ANGPTL1: variants seen among roughly 807,000 people sequenced by gnomAD.
ANGPTL1 encodes the protein angiopoietin-related protein 1.
ANGPTL1 carries 36 observed loss-of-function variants against 46.7 expected under a neutral mutation model. The ratio of observed to expected loss-of-function variants is 0.77; its 90% CI spans 0.59 to 1.02. The LOEUF (loss-of-function observed/expected upper bound fraction) is 1.02, where lower values mean the gene tolerates loss of function less well. Ranked by LOEUF, ANGPTL1 falls within the 50% of genes least tolerant of loss-of-function variation. The pLI, the probability that ANGPTL1 is intolerant of heterozygous loss-of-function variation, is 0.00. For synonymous variants in ANGPTL1, 221 were observed against 204.3 expected, an observed-to-expected ratio of 1.08 and a Z score of -0.69; for missense variants, 571 against 594.7, an observed-to-expected ratio of 0.96 and a Z score of 0.41.
intron 3 of ANGPTL1, among the ~76,000 whole-genome samples, chr1:178,855,072 A>G (rs1657437782): frequency 6.6e-6 from 1 of 152,166 alleles, no homozygotes. Flanking sequence ...GTGAGAGTTT[A>G]GTCAAGTAAA....
At chr1:178,859,250 G>A (rs1485860541) in intron 3 of ANGPTL1, among the ~76,000 whole-genome samples, 1 of 151,894 alleles carries the variant, frequency 6.6e-6, no homozygotes, top group South Asian at 2.1e-4. Flanking sequence ...TTAAATGTTA[G>A]TATAAGTATT....
intron 2 of ANGPTL1, among the ~76,000 whole-genome samples, chr1:178,867,993 T>A (rs1429652237): frequency 1.3e-5 from 2 of 151,962 alleles, no homozygotes; most frequent in Non-Finnish European, 2.9e-5. Context: ...TATGGAGAAT[T>A]ATTATTATTT....
intron 3 of ANGPTL1, 72 bp downstream of exon 3, chr1:178,864,882 A>G (rs1013294830): frequency 5.4e-5 from 56 of 1,040,062 alleles, no homozygotes; most frequent in Non-Finnish European, 6.7e-5. Context: ...AGCATTTATT[A>G]TGAGCATTGT....
chr1:178,852,635 G>A lies in ANGPTL1; in HGVS notation c.1288+48C>T, dbSNP rs760452268. The stretch of plus-strand genomic sequence containing the variant: ...TATATATTAGTAGATTCTATTTAAT[G>A]CATAGAAGGTGATGATTCTACAAAG... On this transcript the variant is annotated intron_variant, in intron 5 of 5. Transcript: ENST00000234816. 1.9e-6 allele frequency: 3 copies of A among 1,539,748 alleles called. No individual in the cohort carries two copies. The Admixed American group carries it at 5.6e-5, about 29-fold the overall frequency.
At chr1:178,862,594 T>TTTAA (rs1200900199) in intron 3 of ANGPTL1, among the ~76,000 whole-genome samples, 1 of 29,002 alleles carries the variant, frequency 3.4e-5, no homozygotes, top group South Asian at 9.8e-4. Flanking sequence ...TTGCATTTTT[T>TTTAA]TTATTTATTT....
chr1:178,864,937 A>T lies in ANGPTL1; in HGVS notation c.823+17T>A, dbSNP rs1048784505. On this transcript the variant is annotated intron_variant, in intron 3 of 5. Coordinates refer to ENST00000234816, the MANE Select transcript of ANGPTL1 (RefSeq NM_004673.4). ...TAAACCTCATACTCCCACTTTTTAC[A>T]GTAAGAGGTAACTCACCTTCATTGA... is the stretch of plus-strand genomic sequence containing the variant. The T allele has an allele frequency of 7.1e-7, 1 of 1,413,118 alleles. No homozygotes were observed. Among genetic ancestry groups the T allele is most frequent in the Non-Finnish European group, 9.3e-7 (1 of 1,079,698 alleles). The allele number at this position is 1,413,118 out of a possible 1,614,324, so 87.5% of individuals were successfully genotyped here.
At chr1:178,856,740 G>A (rs74784251) in intron 3 of ANGPTL1, among the ~76,000 whole-genome samples, 1 of 151,882 alleles carries the variant, frequency 6.6e-6, no homozygotes, top group African/African-American at 2.4e-5. Context: ...ATTTAATAAA[G>A]TAGCTTATTT....
At chr1:178,851,702 A>G (rs1305631834) in intron 5 of ANGPTL1, among the ~76,000 whole-genome samples, 2 of 152,204 alleles carry the variant, frequency 1.3e-5, no homozygotes, top group African/African-American at 2.4e-5. Flanking sequence ...GCAAAAAATA[A>G]TACAAAGTAA....
Position 178,850,476 on chromosome 1 carries a change from C to G in ANGPTL1, c.*653G>C, listed in dbSNP as rs1657098583. 6.6e-6 allele frequency: 1 copy of G among 151,556 alleles called. No homozygotes were observed. The highest frequency in any genetic ancestry group is 6.6e-5 in the Admixed American group (1 of 15,240). The allele number at this position is 151,556 out of a possible 1,614,324, so 9.4% of individuals were successfully genotyped here. A position where few individuals can be genotyped will look rare whatever the true frequency, so the allele number is the denominator to read the frequency against. ...CATAGATTTGTCTTTATAAATTGAC[C>G]ATTTAAATTATGCATGCATTATTTT... is the stretch of plus-strand genomic sequence containing the variant. On this transcript the variant is annotated 3_prime_UTR_variant, in exon 6 of 6. Coordinates refer to ENST00000234816, the MANE Select transcript of ANGPTL1 (RefSeq NM_004673.4).
chr1:178,862,020 G>A (rs1051711784), intron 3 of ANGPTL1, among the ~76,000 whole-genome samples: 3 of 151,860 alleles, frequency 2.0e-5, no homozygotes, highest in Non-Finnish European at 4.4e-5. Context: ...TTACAGGCAC[G>A]CACCACCATG....
Position 178,852,854 on chromosome 1 carries a change from C to T in ANGPTL1, c.1117G>A (p.Asp373Asn). ...GCATAGACTTTTTTATCACTCCAGT[C>T]TTCTAATTCAATCAATAACTTGTAA... Reference protein sequence around the residue: ...DNYKLLIELEDWSDKKVYAEY... With the variant: ...DNYKLLIELENWSDKKVYAEY... Residue 373 changes from aspartate (D) to asparagine (N), a missense_variant, in exon 5 of 6, where the codon GAC (aspartate) becomes AAC (asparagine). Physicochemically the swap from Asp to Asn is conservative, Grantham distance 23. Coordinates refer to ENST00000234816, the MANE Select transcript of ANGPTL1 (RefSeq NM_004673.4). 6.2e-7 allele frequency: 1 copy of T among 1,613,908 alleles called. No homozygotes were observed. The highest frequency in any genetic ancestry group is 8.5e-7 in the Non-Finnish European group (1 of 1,179,868).
intron 3 of ANGPTL1, among the ~76,000 whole-genome samples, chr1:178,862,773 G>A (rs980048111): frequency 1.3e-5 from 2 of 152,112 alleles, no homozygotes; most frequent in African/African-American, 2.4e-5. Context: ...GGTCCGCTAG[G>A]AAAGTAGGCT....
chr1:178,851,183 T>C lies in ANGPTL1; in HGVS notation c.1422A>G (p.Arg474=). ...CTGCTCTTAAGGAGTATGACCCGCC[T>C]CTGTATTCGGCCCAGAAAATTCCAT... ...HQDGIFWAEY[R]GGSYSLRAVQ... is the part of the protein sequence containing the mutation. Residue 474 remains arginine (R), a synonymous_variant, in exon 6 of 6, where the codon AGA becomes AGG. Coordinates refer to ENST00000234816, the MANE Select transcript of ANGPTL1 (RefSeq NM_004673.4). 3 of 1,614,012 alleles carry C rather than the reference T, an allele frequency of 1.9e-6. No homozygotes were observed. Among genetic ancestry groups the C allele is most frequent in the Non-Finnish European group, 2.5e-6 (3 of 1,179,920 alleles).
chr1:178,851,452 A>G (rs1022408714), intron 5 of ANGPTL1, 136 bp from the exon 6 acceptor site: 1 of 732,834 alleles, frequency 1.4e-6, no homozygotes, highest in Non-Finnish European at 2.0e-6. Context: ...GCAGTTTTAA[A>G]TGCCTTCACT....
Position 178,852,677 on chromosome 1 carries a change from AC to A in ANGPTL1, c.1288+5del. On this transcript the variant is annotated splice_donor_5th_base_variant and intron_variant, in intron 5 of 5. Transcript: ENST00000234816. ...TCTACAAAGAATGAAAGTTTTTCAT[AC>A]TTACCTGCATACATATCTTTATCTC... The A allele has an allele frequency of 1.2e-6, 2 of 1,603,962 alleles. No individual in the cohort carries two copies. The highest frequency in any genetic ancestry group is 1.7e-6 in the Non-Finnish European group (2 of 1,174,980).
intron 3 of ANGPTL1, 114 bp from the exon 4 acceptor site, chr1:178,853,901 TC>T: frequency 1.5e-6 from 1 of 684,178 alleles, no homozygotes; most frequent in Non-Finnish European, 2.2e-6. Context: ...CCATTGTTTA[TC>T]ATATATACAA....
chr1:178,856,194 G>T (rs1186977267), intron 3 of ANGPTL1, among the ~76,000 whole-genome samples: 1 of 99,198 alleles, frequency 1.0e-5, no homozygotes, highest in African/African-American at 5.4e-5. Flanking sequence ...CTTTTCCAGA[G>T]AGAGAGAGAT....
At chr1:178,855,951 A>G (rs1657507603) in intron 3 of ANGPTL1, among the ~76,000 whole-genome samples, 1 of 148,744 alleles carries the variant, frequency 6.7e-6, no homozygotes, top group Admixed American at 6.7e-5. Context: ...CATTTTATAT[A>G]TAATATCTAA....
At chr1:178,856,922 G>C (rs144841192) in intron 3 of ANGPTL1, among the ~76,000 whole-genome samples, 1 of 152,012 alleles carries the variant, frequency 6.6e-6, no homozygotes. Context: ...GTTACCTGTG[G>C]CACAAAACAT....
Sources: allele counts gnomAD v4.1 joint callset (sites outside exome capture counted in the v4.1 genomes callset), GRCh38; gene constraint gnomAD v4.1.1; transcripts MANE v1.5; gene names NCBI Gene and HGNC (gene_info 2026-07-23, HGNC 2026-07-21).